SHISAL1: variants seen among roughly 807,000 people sequenced by gnomAD.
The protein encoded by SHISAL1 is protein shisa-like-1.
In SHISAL1, 9 loss-of-function variants were observed where a neutral mutation model predicts 22.6. The ratio of observed to expected loss-of-function variants is 0.40; its 90% CI spans 0.24 to 0.70. The LOEUF (loss-of-function observed/expected upper bound fraction) is 0.70, where lower values mean the gene tolerates loss of function less well. SHISAL1 is among the 30% of genes least tolerant of loss of function. The probability of loss-of-function intolerance (pLI) is 0.39; values close to 1 mark genes in which losing one functional copy is unlikely to be tolerated. For synonymous variants in SHISAL1, 119 were observed against 115.4 expected (o/e 1.03, Z -0.20); for missense variants, 246 against 270.6 (o/e 0.91, Z 0.64).
the SHISAL1 span, among the ~76,000 whole-genome samples, chr22:44,320,988 ATTC>A: frequency 6.6e-6 from 1 of 152,176 alleles, no homozygotes; most frequent in Non-Finnish European, 1.5e-5. Context: ...CGTCCCCATT[ATTC>A]ACAGCAGCAG....
chr22:44,269,196 G>A (rs1193294351), intron 4 of SHISAL1, among the ~76,000 whole-genome samples: 1 of 145,482 alleles, frequency 6.9e-6, no homozygotes, highest in African/African-American at 2.6e-5. Flanking sequence ...ATGCCATACA[G>A]ACCCTCACAA....
chr22:44,265,993 T>G (rs1433274107), intron 4 of SHISAL1, among the ~76,000 whole-genome samples: 1 of 152,210 alleles, frequency 6.6e-6, no homozygotes, highest in East Asian at 1.9e-4. Context: ...CAGGCTTCTC[T>G]GCATCACAGC....
At position 44,247,005 on chromosome 22, in the gene SHISAL1, T is replaced by C. The variant is rs1415939303; in HGVS notation, c.*2680A>G. ...TTTCAGTTATTCCTGAAAAGACCTC[T>C]TGCGGGGAGGGGGGCAGGCAGGAGG... On this transcript the variant is annotated 3_prime_UTR_variant, in exon 5 of 5. Transcript: ENST00000381176. 1 of 152,512 alleles carries C rather than the reference T, an allele frequency of 6.6e-6. No homozygotes were observed. The highest frequency in any genetic ancestry group is 3.4e-3 in the Middle Eastern group (1 of 294). 9.4% of individuals were successfully genotyped at this position (152,512 alleles called of 1,614,324 possible).
chr22:44,322,994 CCATCCACCCATTCATCCATCCATG>C, the SHISAL1 span, among the ~76,000 whole-genome samples: 1 of 146,692 alleles, frequency 6.8e-6, no homozygotes, highest in African/African-American at 2.6e-5. Flanking sequence ...ATTCATCCAT[CCATCCACCCATTCATCCATCCATG>C]CATCCATCCA....
intron 2 of SHISAL1, among the ~76,000 whole-genome samples, chr22:44,297,226 C>T (rs2055393594): frequency 1.3e-5 from 2 of 152,236 alleles, no homozygotes; most frequent in African/African-American, 4.8e-5. Context: ...TTAACTCACA[C>T]AGCCAAGCAA....
intron 1 of SHISAL1, among the ~76,000 whole-genome samples, chr22:44,303,926 C>G (rs145656325): frequency 2.0e-5 from 3 of 152,114 alleles, no homozygotes; most frequent in Non-Finnish European, 4.4e-5. Context: ...ATCCTGTCCA[C>G]GCCAGGTGAG....
In SHISAL1 at chr22:44,259,417, G is replaced by A. The variant is rs74448533; in HGVS notation, c.*-9732C>T. Among the ~76,000 whole-genome samples, 761 of 151,198 alleles carry A rather than the reference G, an allele frequency of 5.0e-3. 7 individuals carry two copies. Among genetic ancestry groups the A allele is most frequent in the African/African-American group, 0.017 (691 of 41,146 alleles). On this transcript the variant is annotated intron_variant, in intron 4 of 4. Coordinates refer to ENST00000381176, the MANE Select transcript of SHISAL1 (RefSeq NM_001099294.2). ...CGCGCCACTGCACTCCAGCTCGGGC[G>A]ACAGTGCAAGACTCTGTCTAAAAAT...
chr22:44,323,327 C>T, the SHISAL1 span, among the ~76,000 whole-genome samples: 1 of 144,218 alleles, frequency 6.9e-6, no homozygotes, highest in Non-Finnish European at 1.5e-5. Context: ...TCCACCCATT[C>T]ATCCATCTAT....
At chr22:44,263,079 C>CTT (rs922017518) in intron 4 of SHISAL1, among the ~76,000 whole-genome samples, 177 of 88,274 alleles carry the variant, frequency 2.0e-3, no homozygotes, top group African/African-American at 6.5e-3. Flanking sequence ...TTCTTTCTTT[C>CTT]TTTTTTTTTT....
intron 4 of SHISAL1, among the ~76,000 whole-genome samples, chr22:44,278,605 C>T (rs1157050958): frequency 1.3e-5 from 2 of 152,124 alleles, no homozygotes; most frequent in Non-Finnish European, 2.9e-5. Context: ...TCCGGGTGAA[C>T]GGGCCTCTCC....
Position 44,249,680 on chromosome 22 carries a change from C to T in SHISAL1, c.*5G>A, listed in dbSNP as rs748320120. ...CCCCCATCCTGAGGCACAGCAAAAG[C>T]GTTTTCTGGAGGAAATACAAGGAAA... On this transcript the variant is annotated 3_prime_UTR_variant, in exon 5 of 5. Transcript: ENST00000381176. The T allele has an allele frequency of 1.3e-5, 10 of 779,346 alleles. No individual in the cohort carries two copies. Among genetic ancestry groups the T allele is most frequent in the African/African-American group, 1.7e-5 (1 of 59,058 alleles). 48.3% of individuals were successfully genotyped at this position (779,346 alleles called of 1,614,324 possible).
the SHISAL1 span, among the ~76,000 whole-genome samples, chr22:44,331,693 G>A: frequency 2.1e-4 from 31 of 147,956 alleles, no homozygotes; most frequent in Admixed American, 2.1e-3. The surrounding 1 kb of genome is among the most constrained non-coding windows in gnomAD (Gnocchi z 5.2). Flanking sequence ...CCCGCTCCTA[G>A]GCGCGCCGGG....
At chr22:44,301,732 G>C (rs574604828) in intron 1 of SHISAL1, among the ~76,000 whole-genome samples, 3 of 152,134 alleles carry the variant, frequency 2.0e-5, no homozygotes, top group Admixed American at 6.5e-5. Context: ...AAAACAGGAG[G>C]GAAACTATGA....
chr22:44,280,177 G>A (rs2055266414), intron 4 of SHISAL1, among the ~76,000 whole-genome samples: 1 of 152,192 alleles, frequency 6.6e-6, no homozygotes, highest in Admixed American at 6.5e-5. Flanking sequence ...GAAGAGAACT[G>A]AGTCAAAAGC....
chr22:44,293,954 C>T (rs900460456), intron 3 of SHISAL1, among the ~76,000 whole-genome samples: 1 of 152,222 alleles, frequency 6.6e-6, no homozygotes, highest in African/African-American at 2.4e-5. Flanking sequence ...CGTGTGAAAT[C>T]CTGTGCAAAT....
the SHISAL1 span, among the ~76,000 whole-genome samples, chr22:44,323,358 G>GCATCCATCCATC: frequency 1.2e-5 from 1 of 83,280 alleles, no homozygotes; most frequent in Admixed American, 1.4e-4. Context: ...ATCCATCCAT[G>GCATCCATCCATC]CATCCATCCA....
chr22:44,248,041 T>A lies in SHISAL1; in HGVS notation c.*1644A>T, dbSNP rs780088647. The A allele has an allele frequency of 6.6e-6, 1 of 152,292 alleles. No individual in the cohort carries two copies. The highest frequency in any genetic ancestry group is 1.5e-5 in the Non-Finnish European group (1 of 68,124). 9.4% of individuals were successfully genotyped at this position (152,292 alleles called of 1,614,324 possible). ...GTCATTCAAATCTGGGCTTCAATCA[T>A]CTGCTCAAGGCGGCCTTCCCAGACC... is the stretch of plus-strand genomic sequence containing the variant. On this transcript the variant is annotated 3_prime_UTR_variant, in exon 5 of 5. Coordinates refer to ENST00000381176, the MANE Select transcript of SHISAL1 (RefSeq NM_001099294.2).
At position 44,303,198 on chromosome 22, in the gene SHISAL1, G is replaced by A. The variant is rs191387680; in HGVS notation, c.-32-2221C>T. On this transcript the variant is annotated intron_variant, in intron 1 of 4. Transcript: ENST00000381176. ...AGCATCTACTATGTGCCCGGCTCTG[G>A]GCCAGAAGAGGTACTGTACCCCATC... Among the ~76,000 whole-genome samples the A allele has an allele frequency of 3.7e-3, 564 of 152,092 alleles. 1 individual carries two copies. The highest frequency in any genetic ancestry group is 6.1e-3 in the Non-Finnish European group (413 of 67,968).
chr22:44,325,040 C>T, the SHISAL1 span, among the ~76,000 whole-genome samples: 5 of 152,222 alleles, frequency 3.3e-5, no homozygotes, highest in African/African-American at 9.6e-5. Context: ...GTCAGGAGTT[C>T]AAGATCAGCC....
Sources: gnomAD v4.1 joint callset for allele counts (sites outside exome capture counted in the v4.1 genomes callset) on GRCh38, gnomAD v4.1.1 for gene constraint, Gnocchi (gnomAD v3.1) non-coding constraint, MANE v1.5 for transcripts, NCBI Gene and HGNC (gene_info 2026-07-23, HGNC 2026-07-21) for gene names.